ABHD12: variants seen among roughly 807,000 people sequenced by gnomAD.
ABHD12 encodes abhydrolase domain containing 12, lysophospholipase, also known as lysophosphatidylserine lipase ABHD12.
ABHD12 carries 43 observed loss-of-function variants against 58.3 expected under a neutral mutation model. The observed-to-expected ratio is 0.74, with a 90% confidence interval of 0.58 to 0.95. The LOEUF (loss-of-function observed/expected upper bound fraction) is 0.95. Ranked by LOEUF, ABHD12 falls within the 40% of genes least tolerant of loss-of-function variation. The pLI is 0.00. For synonymous variants in ABHD12, 219 were observed against 211.2 expected (o/e 1.04, Z -0.32); for missense variants, 539 against 537.2 (o/e 1.00, Z -0.03).
intron 5 of ABHD12, 146 bp from the exon 6 acceptor site, chr20:25,315,116 C>G: frequency 1.2e-6 from 1 of 866,798 alleles, no homozygotes. Context: ...TGCTGCCTGA[C>G]TCCTGGCTGG....
chr20:25,379,666 A>G (rs2089999552), intron 1 of ABHD12, among the ~76,000 whole-genome samples: 1 of 152,214 alleles, frequency 6.6e-6, no homozygotes, highest in African/African-American at 2.4e-5. Context: ...CACAATTATG[A>G]TATCATAATT....
At chr20:25,296,322 C>T (rs771604610), downstream of ABHD12, 9 of 1,607,230 alleles carry the variant, frequency 5.6e-6, no homozygotes, top group East Asian at 1.6e-4. Flanking sequence ...TTTTTAGCAG[C>T]CCCAAGCCCT....
chr20:25,327,779 G>C (rs1351567553), intron 2 of ABHD12, among the ~76,000 whole-genome samples: 2 of 152,268 alleles, frequency 1.3e-5, no homozygotes. Context: ...ACAAGATTCT[G>C]ACCCTCCCCA....
chr20:25,331,321 A>G (rs1260562356), intron 2 of ABHD12, among the ~76,000 whole-genome samples: 1 of 152,230 alleles, frequency 6.6e-6, no homozygotes, highest in Non-Finnish European at 1.5e-5. Context: ...GACCAAATCT[A>G]CGTCTGATTG....
intron 1 of ABHD12, among the ~76,000 whole-genome samples, chr20:25,369,240 T>C (rs2089866675): frequency 6.6e-6 from 1 of 152,224 alleles, no homozygotes. Context: ...TTATAAGTCA[T>C]CTATCCGTCT....
intron 1 of ABHD12, 36 bp downstream of exon 1, chr20:25,390,477 G>GCCCCCCCCCCCCCCCCCCCC: frequency 1.0e-5 from 1 of 98,514 alleles, no homozygotes; most frequent in Non-Finnish European, 1.3e-5. Context: ...TGAGGGACCG[G>GCCCCCCCCCCCCCCCCCCCC]CCCCCCCCCC....
At chr20:25,348,088 T>C (rs916476254) in intron 1 of ABHD12, among the ~76,000 whole-genome samples, 4 of 151,986 alleles carry the variant, frequency 2.6e-5, no homozygotes, top group Admixed American at 2.0e-4. Context: ...CACACGCCTG[T>C]AGTCCCAGCT....
downstream of ABHD12, among the ~76,000 whole-genome samples, chr20:25,299,716 T>C (rs545871807): frequency 6.6e-6 from 1 of 152,158 alleles, no homozygotes; most frequent in African/African-American, 2.4e-5. Flanking sequence ...CCGGCTCAGA[T>C]GGCCATGCAA....
intron 1 of ABHD12, among the ~76,000 whole-genome samples, chr20:25,367,838 T>C (rs1232839015): frequency 9.9e-5 from 15 of 152,230 alleles, no homozygotes; most frequent in Non-Finnish European, 2.9e-5. Flanking sequence ...CTATTGTGAA[T>C]AGTGCTGCTA....
intron 2 of ABHD12, among the ~76,000 whole-genome samples, chr20:25,330,314 C>T (rs6115147): frequency 0.079 from 12,093 of 152,290 alleles, 700 homozygotes; most frequent in South Asian, 0.18. Context: ...GAGGGTCCTA[C>T]GCCCACGGAG....
chr20:25,386,643 G>A (rs553962842), intron 1 of ABHD12, among the ~76,000 whole-genome samples: 20 of 152,100 alleles, frequency 1.3e-4, no homozygotes, highest in Non-Finnish European at 2.5e-4. Context: ...CATTTTGGGA[G>A]GCTGAGGCAG....
chr20:25,322,669 G>T (rs909151513), intron 3 of ABHD12, among the ~76,000 whole-genome samples: 7 of 151,420 alleles, frequency 4.6e-5, no homozygotes, highest in Admixed American at 6.6e-5. Context: ...ACAGGCGTGA[G>T]CCACCGCGCC....
intron 11 of ABHD12, 96 bp from the exon 12 acceptor site, chr20:25,302,442 C>T: frequency 1.3e-5 from 19 of 1,512,698 alleles, no homozygotes; most frequent in Admixed American, 3.4e-5. Flanking sequence ...CAATAGAAAC[C>T]AGTCCAGAGT....
chr20:25,369,591 G>A (rs1005410509), intron 1 of ABHD12, among the ~76,000 whole-genome samples: 1 of 152,184 alleles, frequency 6.6e-6, no homozygotes, highest in African/African-American at 2.4e-5. Context: ...CTACCGAAGT[G>A]ACACGTCACT....
intron 2 of ABHD12, among the ~76,000 whole-genome samples, chr20:25,336,665 C>T (rs544857559): frequency 1.6e-4 from 25 of 152,308 alleles, no homozygotes; most frequent in African/African-American, 4.6e-4. Flanking sequence ...AAACCTTGGA[C>T]GCACATTACA....
At chr20:25,343,260 G>A (rs912290074) in intron 1 of ABHD12, among the ~76,000 whole-genome samples, 1 of 152,144 alleles carries the variant, frequency 6.6e-6, no homozygotes, top group Non-Finnish European at 1.5e-5. Context: ...TGGGTTCACT[G>A]GGGAATTCTA....
At chr20:25,317,134 G>A (rs934499686) in intron 4 of ABHD12, 56 bp from the exon 5 acceptor site, 3 of 1,348,378 alleles carry the variant, frequency 2.2e-6, no homozygotes, top group South Asian at 1.2e-5. Flanking sequence ...TGGGCCCCAG[G>A]TCAACTTGTC....
At chr20:25,296,740 T>G (rs1260400836), downstream of ABHD12, 3 of 640,274 alleles carry the variant, frequency 4.7e-6, no homozygotes. Flanking sequence ...AAGCCAGAGT[T>G]GACAGTACAA....
At chr20:25,304,025 C>T (rs2088689678) in intron 10 of ABHD12, among the ~76,000 whole-genome samples, 1 of 152,250 alleles carries the variant, frequency 6.6e-6, no homozygotes, top group African/African-American at 2.4e-5. Flanking sequence ...TTTATGGTCA[C>T]TCCAACTCTA....
Sources: gnomAD v4.1 joint callset for allele counts (sites outside exome capture counted in the v4.1 genomes callset) on GRCh38, gnomAD v4.1.1 for gene constraint, MANE v1.5 for transcripts, NCBI Gene and HGNC (gene_info 2026-07-23, HGNC 2026-07-21) for gene names.